Variants in L3MBTL3 observed in about 807,000 individuals in gnomAD.
L3MBTL3 encodes the protein L3MBTL histone methyl-lysine binding protein 3.
A neutral mutation model predicts 102.3 loss-of-function variants in L3MBTL3; 27 were observed. The observed-to-expected ratio is 0.26, with a 90% CI of 0.19 to 0.36. L3MBTL3 has a LOEUF of 0.36. L3MBTL3 is among the 10% of genes least tolerant of loss of function. The pLI is 1.00. For missense variants in L3MBTL3, 798 were observed against 955.3 expected (o/e 0.84, Z 2.17); for synonymous variants, 340 against 320.9 (o/e 1.06, Z -0.64).
At chr6:130,097,104 C>T (rs1404461527) in intron 18 of L3MBTL3, among the ~76,000 whole-genome samples, 3 of 152,194 alleles carry the variant, frequency 2.0e-5, no homozygotes, top group African/African-American at 4.8e-5. Flanking sequence ...TTTTCTTAGA[C>T]TCCCTGACTA....
intron 14 of L3MBTL3, among the ~76,000 whole-genome samples, chr6:130,078,907 A>G (rs1783130560): frequency 6.6e-6 from 1 of 152,192 alleles, no homozygotes; most frequent in Non-Finnish European, 1.5e-5. Flanking sequence ...AACTATATTA[A>G]GTATTGCCTT....
chr6:130,080,714 G>T (rs1256587998), intron 14 of L3MBTL3, among the ~76,000 whole-genome samples: 1 of 152,062 alleles, frequency 6.6e-6, no homozygotes, highest in African/African-American at 2.4e-5. Flanking sequence ...AATTGCATGT[G>T]AAAATACCAA....
chr6:130,083,683 C>A lies in L3MBTL3; in HGVS notation c.1385C>A (p.Ala462Asp). Residue 462 changes from alanine to aspartate, a missense_variant, in exon 15 of 23, where the codon GCT becomes GAT. Coordinates refer to ENST00000361794, the MANE Select transcript of L3MBTL3 (RefSeq NM_032438.4). ...KYLEETNSLP[A>D]PARAFKVKPP... ...TTAGAAGAAACCAATTCTTTACCTG[C>A]TCCTGCAAGAGCTTTCAAAGTGGTA... 6.5e-7 allele frequency: 1 copy of A among 1,543,980 alleles called. No homozygotes were observed. The highest frequency in any genetic ancestry group is 8.8e-7 in the Non-Finnish European group (1 of 1,140,370).
At chr6:130,100,639 C>G (rs1462048622) in intron 18 of L3MBTL3, among the ~76,000 whole-genome samples, 2 of 139,208 alleles carry the variant, frequency 1.4e-5, no homozygotes, top group Non-Finnish European at 1.6e-5. Flanking sequence ...TCCTAGCAAT[C>G]TATTTTCAAA....
chr6:130,090,439 C>T (rs1582541052), intron 16 of L3MBTL3, among the ~76,000 whole-genome samples: 2 of 152,150 alleles, frequency 1.3e-5, no homozygotes, highest in Non-Finnish European at 1.5e-5. Context: ...TCTATGAGAA[C>T]ACCCATTTAT....
chr6:130,090,368 C>G (rs1783967396), intron 16 of L3MBTL3, among the ~76,000 whole-genome samples: 1 of 152,044 alleles, frequency 6.6e-6, no homozygotes, highest in African/African-American at 2.4e-5. Context: ...TTTAAGTGCT[C>G]GACTGTTATT....
intron 13 of L3MBTL3, among the ~76,000 whole-genome samples, chr6:130,076,410 A>G (rs948479300): frequency 6.6e-6 from 1 of 152,174 alleles, no homozygotes; most frequent in African/African-American, 2.4e-5. Context: ...GATTTCCATA[A>G]AATGAGGATC....
chr6:130,129,876 G>A (rs1302640641), intron 20 of L3MBTL3, among the ~76,000 whole-genome samples: 1 of 152,156 alleles, frequency 6.6e-6, no homozygotes, highest in African/African-American at 2.4e-5. Context: ...TTTAGCCTAT[G>A]TCATAACATG....
chr6:130,100,702 C>G (rs531871254), intron 18 of L3MBTL3, among the ~76,000 whole-genome samples: 1 of 151,914 alleles, frequency 6.6e-6, no homozygotes, highest in East Asian at 1.9e-4. Flanking sequence ...GCAGTCTTAC[C>G]CCTCTCTTGA....
At chr6:130,130,808 A>G (rs1786956514) in intron 20 of L3MBTL3, among the ~76,000 whole-genome samples, 1 of 152,212 alleles carries the variant, frequency 6.6e-6, no homozygotes, top group Admixed American at 6.5e-5. Context: ...TATAAGCTCA[A>G]TGAGGTAGTA....
At chr6:130,077,510 A>G (rs1157962795) in intron 13 of L3MBTL3, among the ~76,000 whole-genome samples, 3 of 152,234 alleles carry the variant, frequency 2.0e-5, no homozygotes, top group Admixed American at 2.0e-4. Context: ...GATATTTTCT[A>G]CTGAAGTAAG....
At chr6:130,038,147 C>T (rs1284125955) in intron 2 of L3MBTL3, among the ~76,000 whole-genome samples, 1 of 151,950 alleles carries the variant, frequency 6.6e-6, no homozygotes, top group Non-Finnish European at 1.5e-5. Flanking sequence ...TGTGTATAAA[C>T]CACATTTTTA....
chr6:130,031,913 C>G (rs980025774), intron 2 of L3MBTL3, among the ~76,000 whole-genome samples: 1 of 151,686 alleles, frequency 6.6e-6, no homozygotes, highest in Non-Finnish European at 1.5e-5. Context: ...AATAACATAT[C>G]TACTTTTCTT....
intron 10 of L3MBTL3, among the ~76,000 whole-genome samples, chr6:130,061,372 C>T (rs910830475): frequency 7.2e-5 from 11 of 152,210 alleles, no homozygotes; most frequent in East Asian, 1.9e-4. Flanking sequence ...TGAGCCACCA[C>T]GCCCAGCCCA....
intron 7 of L3MBTL3, among the ~76,000 whole-genome samples, chr6:130,054,345 G>A (rs541333632): frequency 5.1e-4 from 78 of 152,300 alleles, no homozygotes; most frequent in Non-Finnish European, 9.1e-4. Flanking sequence ...AGTGTCAGGG[G>A]AAGCCTCTGG....
intron 2 of L3MBTL3, among the ~76,000 whole-genome samples, chr6:130,027,753 A>G (rs1182849069): frequency 6.6e-6 from 1 of 151,966 alleles, no homozygotes; most frequent in African/African-American, 2.4e-5. Context: ...GAAGTAAAAT[A>G]AAAAAGAACA....
chr6:130,032,138 T>C (rs375820172), intron 2 of L3MBTL3, among the ~76,000 whole-genome samples: 5 of 152,126 alleles, frequency 3.3e-5, no homozygotes, highest in East Asian at 1.9e-4. Context: ...GGTCTTGAAC[T>C]CCTGGCCTCA....
At chr6:130,068,246 T>C (rs1012746847) in intron 11 of L3MBTL3, 84 bp from the exon 12 acceptor site, 66 of 671,818 alleles carry the variant, frequency 9.8e-5, no homozygotes, top group Non-Finnish European at 1.5e-4. Flanking sequence ...GATTTTGGCA[T>C]GTTAGAGATA....
intron 19 of L3MBTL3, among the ~76,000 whole-genome samples, chr6:130,110,770 C>T (rs928196977): frequency 3.3e-5 from 5 of 152,090 alleles, no homozygotes; most frequent in East Asian, 1.9e-4. Context: ...TGTCTTGTGC[C>T]GGTTTTCAAA....
Sources: allele counts gnomAD v4.1 joint callset (sites outside exome capture counted in the v4.1 genomes callset), GRCh38; gene constraint gnomAD v4.1.1; transcripts MANE v1.5; gene names NCBI Gene and HGNC (gene_info 2026-07-23, HGNC 2026-07-21).